RNPEP: variants seen among roughly 807,000 people sequenced by gnomAD.
RNPEP encodes aminopeptidase B.
Under a neutral mutation model 70.1 loss-of-function variants are expected in RNPEP, and 57 were observed. That is an observed-to-expected ratio of 0.81 (90% confidence interval 0.66 to 1.01). The LOEUF (loss-of-function observed/expected upper bound fraction) is 1.01, where lower values mean the gene tolerates loss of function less well. Among genes scored for constraint, RNPEP ranks in the 50% least tolerant of loss-of-function variants. The pLI is 0.00. For synonymous variants in RNPEP, 335 were observed against 357.4 expected, an observed-to-expected ratio of 0.94 and a Z score of 0.71; for missense variants, 787 against 852.4, an observed-to-expected ratio of 0.92 and a Z score of 0.96.
chr1:202,000,020 A>G lies in RNPEP; in HGVS notation c.1204+5A>G. ...TCCGCGTGAAGATTGAACCAGGTCC[A>G]GGAGGCTCCTCTGTCTGACACCCAC... On this transcript the variant is annotated splice_donor_5th_base_variant and intron_variant, in intron 6 of 10. Coordinates refer to ENST00000295640, the MANE Select transcript of RNPEP (RefSeq NM_020216.4). 6.2e-7 allele frequency: 1 copy of G among 1,607,478 alleles called. No homozygotes were observed. Among genetic ancestry groups the G allele is most frequent in the Non-Finnish European group, 8.5e-7 (1 of 1,174,804 alleles).
intron 1 of RNPEP, chr1:201,983,511 G>A: frequency 7.5e-7 from 1 of 1,333,228 alleles, no homozygotes; most frequent in Non-Finnish European, 9.9e-7. Flanking sequence ...GGACTTTTGG[G>A]CCGAGGTACC....
chr1:201,986,536 CT>C (rs374147270), intron 1 of RNPEP, among the ~76,000 whole-genome samples: 3 of 80,604 alleles, frequency 3.7e-5, no homozygotes, highest in Admixed American at 1.2e-4. Flanking sequence ...CATTTTCTTT[CT>C]TTTTTTTTTT....
chr1:201,983,192 C>T (rs1159862329), intron 1 of RNPEP, 79 bp downstream of exon 1: 38 of 1,415,100 alleles, frequency 2.7e-5, no homozygotes, highest in African/African-American at 3.0e-5. Flanking sequence ...TCACCTACCC[C>T]ACCCGGGAGG....
intron 8 of RNPEP, among the ~76,000 whole-genome samples, chr1:202,002,615 C>T (rs1683872479): frequency 1.3e-5 from 2 of 152,216 alleles, no homozygotes; most frequent in African/African-American, 4.8e-5. Flanking sequence ...CGTCCTCTGA[C>T]AGTAGGATTG....
intron 10 of RNPEP, among the ~76,000 whole-genome samples, chr1:202,005,103 T>C (rs1683999465): frequency 6.6e-6 from 1 of 152,328 alleles, no homozygotes; most frequent in African/African-American, 2.4e-5. Context: ...TTTTAGGAAC[T>C]TGTGATGTCG....
At chr1:201,986,293 CT>C (rs1683129210) in intron 1 of RNPEP, among the ~76,000 whole-genome samples, 1 of 151,976 alleles carries the variant, frequency 6.6e-6, no homozygotes, top group African/African-American at 2.4e-5. Context: ...CAGGGTCCCC[CT>C]ATGTTGCCCA....
intron 5 of RNPEP, among the ~76,000 whole-genome samples, chr1:201,998,230 C>T (rs894093947): frequency 1.4e-4 from 16 of 116,680 alleles, no homozygotes; most frequent in African/African-American, 3.4e-4. Context: ...TGGGTCTGAA[C>T]TTTTTTTTTT....
At chr1:201,994,673 T>C (rs541745851) in intron 3 of RNPEP, among the ~76,000 whole-genome samples, 1 of 151,436 alleles carries the variant, frequency 6.6e-6, no homozygotes, top group Non-Finnish European at 1.5e-5. Flanking sequence ...AGTCTCTTTT[T>C]TTTTTTTTTT....
At chr1:201,996,350 T>A in intron 4 of RNPEP, 87 bp downstream of exon 4, 1 of 943,352 alleles carries the variant, frequency 1.1e-6, no homozygotes, top group Non-Finnish European at 1.7e-6. Flanking sequence ...TTCCACCTCC[T>A]GCCTCCCAGA....
In RNPEP at chr1:201,989,514, G is replaced by A. The variant is rs756040890; in HGVS notation, c.720G>A (p.Ser240=). The change falls in exon 3 of 11, where the codon TCG becomes TCA. Residue 240 remains serine (S), a synonymous_variant. Coordinates refer to ENST00000295640, the MANE Select transcript of RNPEP (RefSeq NM_020216.4). ...CTTTGGCCATCGGAGATCTGGTTTC[G>A]GCTGAAGTTGGACCCAGGTAGGAGA... ...LIALAIGDLV[S]AEVGPRSRVW... is the part of the protein sequence containing the mutation. 1.7e-5 allele frequency: 27 copies of A among 1,614,052 alleles called. No homozygotes were observed. The highest frequency in any genetic ancestry group is 1.7e-4 in the Middle Eastern group (1 of 6,058).
At chr1:201,985,747 TTAA>T (rs1173980175) in intron 1 of RNPEP, among the ~76,000 whole-genome samples, 15 of 152,200 alleles carry the variant, frequency 9.9e-5, no homozygotes, top group African/African-American at 3.6e-4. Context: ...TTTGTTATAA[TTAA>T]TAAACCAGTA....
intron 3 of RNPEP, among the ~76,000 whole-genome samples, chr1:201,991,924 A>T (rs1683349967): frequency 6.6e-6 from 1 of 152,058 alleles, no homozygotes; most frequent in Non-Finnish European, 1.5e-5. Context: ...CCGTCCCATG[A>T]TCTTTTTCTG....
intron 3 of RNPEP, among the ~76,000 whole-genome samples, chr1:201,994,372 G>T (rs1683463899): frequency 6.6e-6 from 1 of 152,116 alleles, no homozygotes; most frequent in Admixed American, 6.6e-5. Flanking sequence ...TTCTGTAACA[G>T]TGCACCTGAG....
At chr1:201,998,160 A>G (rs1232180906) in intron 5 of RNPEP, among the ~76,000 whole-genome samples, 1 of 151,816 alleles carries the variant, frequency 6.6e-6, no homozygotes, top group Non-Finnish European at 1.5e-5. Context: ...TTCCTTACAC[A>G]TAAATGTCTA....
chr1:202,005,642 G>C lies in RNPEP; in HGVS notation c.1879G>C (p.Ala627Pro). 1 of 1,614,178 alleles carries C rather than the reference G, an allele frequency of 6.2e-7. No individual in the cohort carries two copies. The highest frequency in any genetic ancestry group is 8.5e-7 in the Non-Finnish European group (1 of 1,180,020). ...CCAGACCCTCGCCAAGGAGACTTTTGCATCCACCGCCTCCCAGCTCCACAG... is the reference window on the plus strand; with the variant it reads ...CCAGACCCTCGCCAAGGAGACTTTTCCATCCACCGCCTCCCAGCTCCACAG... ...VAQTLAKETF[A>P]STASQLHSNV... The change falls in exon 11 of 11, where the codon GCA becomes CCA. Residue 627 changes from alanine (A) to proline (P), a missense_variant. Ala to Pro is a conservative substitution (Grantham distance 27, BLOSUM62 -1). Coordinates refer to ENST00000295640, the MANE Select transcript of RNPEP (RefSeq NM_020216.4).
chr1:201,997,639 A>C, intron 5 of RNPEP, 85 bp downstream of exon 5: 1 of 1,049,616 alleles, frequency 9.5e-7, no homozygotes, highest in Non-Finnish European at 1.4e-6. Context: ...GGGTTTCAGA[A>C]TACAAGTGGG....
intron 1 of RNPEP, among the ~76,000 whole-genome samples, chr1:201,984,830 T>TTTCTTTTTC (rs1355974505): frequency 3.1e-4 from 4 of 12,958 alleles, no homozygotes; most frequent in East Asian, 4.8e-3. Flanking sequence ...TCTTTTTTTT[T>TTTCTTTTTC]TTTTTTTTTT....
intron 3 of RNPEP, among the ~76,000 whole-genome samples, chr1:201,991,471 G>A (rs1162590551): frequency 1.3e-5 from 2 of 152,188 alleles, no homozygotes; most frequent in East Asian, 1.9e-4. Flanking sequence ...CCCAGTCCCT[G>A]TTACTGCAAG....
chr1:201,989,039 A>G lies in RNPEP; in HGVS notation c.583A>G (p.Ile195Val). The G allele has an allele frequency of 6.2e-7, 1 of 1,613,696 alleles. No homozygotes were observed. Among genetic ancestry groups the G allele is most frequent in the Non-Finnish European group, 8.5e-7 (1 of 1,179,862 alleles). ...TGTTAAATACAAGTATTCAGCTCTT[A>G]TTGAGGTAAGGAGACTAAGGTTAGG... ...PAVKYKYSAL[I>V]EVPDGFTAVM... Residue 195 changes from isoleucine to valine, a missense_variant, in exon 2 of 11, where the codon ATT (isoleucine) becomes GTT (valine). Ile to Val is a conservative substitution (Grantham distance 29). Coordinates refer to ENST00000295640, the MANE Select transcript of RNPEP (RefSeq NM_020216.4).
Sources: allele counts gnomAD v4.1 joint callset (sites outside exome capture counted in the v4.1 genomes callset), GRCh38; gene constraint gnomAD v4.1.1; transcripts MANE v1.5; gene names NCBI Gene and HGNC (gene_info 2026-07-23, HGNC 2026-07-21).